The following TOX2 variants were observed in gnomAD, a reference collection of about 807,000 sequenced individuals.
TOX2 encodes the protein granulosa cell HMG box 1.
A neutral mutation model predicts 47.4 loss-of-function variants in TOX2; 15 were observed. The observed-to-expected ratio is 0.32, with a 90% CI of 0.21 to 0.49. The LOEUF is 0.49. Ranked by LOEUF, TOX2 falls within the 20% of genes least tolerant of loss-of-function variation. TOX2 has a pLI of 0.99. For missense variants in TOX2, 622 were observed against 673.1 expected, an observed-to-expected ratio of 0.92 and a Z score of 0.84; for synonymous variants, 290 against 296.6, an observed-to-expected ratio of 0.98 and a Z score of 0.23.
rs117286711 is a variant in TOX2, at chr20:44,033,231, T to C, written c.412-18075T>C. Among the ~76,000 whole-genome samples the C allele has an allele frequency of 7.0e-3, 1,058 of 152,094 alleles. 6 individuals carry two copies. Among genetic ancestry groups the C allele is most frequent in the South Asian group, 0.022 (105 of 4,820 alleles). ...GCTTCCTATTGGTTCTCTTTTCCTC[T>C]CTTTTGTGCTAGATTTTTTTTTTCC... On this transcript the variant is annotated intron_variant, in intron 3 of 8. Coordinates refer to ENST00000341197, the MANE Select transcript of TOX2 (RefSeq NM_001098797.2).
intron 1 of TOX2, chr20:43,946,180 G>A (rs1282185227): frequency 1.5e-6 from 2 of 1,314,248 alleles, no homozygotes; most frequent in Non-Finnish European, 2.0e-6. Flanking sequence ...TGCTTTAGAG[G>A]GGCCAGGAGG....
chr20:43,931,343 C>T (rs1323353205), intron 1 of TOX2, among the ~76,000 whole-genome samples: 1 of 152,058 alleles, frequency 6.6e-6, no homozygotes, highest in Non-Finnish European at 1.5e-5. Flanking sequence ...CCATGTTGCC[C>T]AGGCTGGTCT....
At chr20:44,002,972 CTG>C (rs1049001976) in intron 2 of TOX2, among the ~76,000 whole-genome samples, 8 of 152,124 alleles carry the variant, frequency 5.3e-5, no homozygotes, top group Admixed American at 2.0e-4. Flanking sequence ...AATATCCAAA[CTG>C]TATCAGAGGG....
intron 1 of TOX2, among the ~76,000 whole-genome samples, chr20:43,969,110 G>T (rs1235703263): frequency 6.6e-6 from 1 of 152,224 alleles, no homozygotes; most frequent in African/African-American, 2.4e-5. Flanking sequence ...GCGTGCTGTG[G>T]TTATTGTGTG....
At chr20:43,955,353 G>A (rs559664228) in intron 1 of TOX2, 90 of 965,410 alleles carry the variant, frequency 9.3e-5, no homozygotes, top group Admixed American at 1.8e-4. Context: ...CCTGAAACCC[G>A]TTGTTTCCCC....
chr20:43,980,273 G>T (rs1338936827), intron 2 of TOX2, among the ~76,000 whole-genome samples: 1 of 152,190 alleles, frequency 6.6e-6, no homozygotes, highest in Non-Finnish European at 1.5e-5. Context: ...GCCAGGCACA[G>T]AAAGATAAAC....
chr20:43,960,369 C>A (rs1381195013), intron 1 of TOX2, among the ~76,000 whole-genome samples: 1 of 152,168 alleles, frequency 6.6e-6, no homozygotes, highest in African/African-American at 2.4e-5. Context: ...TGGCCAAGGT[C>A]ATCAACACTC....
chr20:44,044,443 C>T (rs2071383148), intron 3 of TOX2, among the ~76,000 whole-genome samples: 1 of 150,264 alleles, frequency 6.7e-6, no homozygotes, highest in Non-Finnish European at 1.5e-5. Context: ...AAAAGAAATG[C>T]AAAACTGCTT....
At position 44,065,728 on chromosome 20, in the gene TOX2, G is replaced by A. The variant is rs749077445; in HGVS notation, c.977G>A (p.Gly326Asp). The A allele has an allele frequency of 1.3e-6, 2 of 1,590,922 alleles. No homozygotes were observed. The highest frequency in any genetic ancestry group is 2.3e-5 in the East Asian group (1 of 44,390). Reference sequence around the variant, plus strand: ...TCCTTCCAGAGCTCCCCAGATCAAGGTGAGACCAAGAGCACTCAGGCAAAC... The same window carrying A: ...TCCTTCCAGAGCTCCCCAGATCAAGATGAGACCAAGAGCACTCAGGCAAAC... ...SLVSKSSPDQGETKSTQANPP... is the reference protein window; with the variant it reads ...SLVSKSSPDQDETKSTQANPP... Residue 326 changes from glycine (G) to aspartate (D), a missense_variant, in exon 7 of 9, where the codon GGT becomes GAT. Transcript: ENST00000341197.
chr20:43,993,523 A>T (rs755034177), intron 2 of TOX2, among the ~76,000 whole-genome samples: 37 of 152,140 alleles, frequency 2.4e-4, no homozygotes, highest in Non-Finnish European at 5.0e-4. Context: ...CCACCGGTAG[A>T]GGAATACTGA....
intron 1 of TOX2, among the ~76,000 whole-genome samples, chr20:43,960,598 G>C (rs887873575): frequency 2.6e-5 from 4 of 152,196 alleles, no homozygotes; most frequent in African/African-American, 9.6e-5. Flanking sequence ...TACATTTCTT[G>C]TCTGTAGATT....
chr20:43,989,793 A>C (rs1357898850), intron 2 of TOX2, among the ~76,000 whole-genome samples: 2 of 151,890 alleles, frequency 1.3e-5, no homozygotes, highest in Admixed American at 1.3e-4. Flanking sequence ...AAAAAAAAAA[A>C]AAAACCCACC....
chr20:44,068,816 C>G lies in TOX2; in HGVS notation c.*130C>G. The stretch of plus-strand genomic sequence containing the variant: ...GAGAGAGCAGTGACACACCCATTGC[C>G]CGGGGGCTGAGTCTCTTCCTCAACC... On this transcript the variant is annotated 3_prime_UTR_variant, in exon 9 of 9. Transcript: ENST00000341197. 1 of 1,271,484 alleles carries G rather than the reference C, an allele frequency of 7.9e-7. No homozygotes were observed. The highest frequency in any genetic ancestry group is 1.1e-6 in the Non-Finnish European group (1 of 891,216). The allele number at this position is 1,271,484 out of a possible 1,614,324, so 78.8% of individuals were successfully genotyped here. A position where few individuals can be genotyped will look rare whatever the true frequency, so the allele number is the denominator to read the frequency against.
chr20:43,914,887 C>T lies in TOX2; in HGVS notation c.-5C>T, dbSNP rs561837695. ...GGAGCCGCCGCCGCCGCCGCCGCGCCCGCCATGGACGTCCGCCTGTACCCC... is the reference window on the plus strand; with the variant it reads ...GGAGCCGCCGCCGCCGCCGCCGCGCTCGCCATGGACGTCCGCCTGTACCCC... On this transcript the variant is annotated 5_prime_UTR_variant, in exon 1 of 9. Coordinates refer to ENST00000341197, the MANE Select transcript of TOX2 (RefSeq NM_001098797.2). This position sits in a 1 kb window ranked among gnomAD's most constrained non-coding sequence, Gnocchi z 4.5. 2.4e-3 allele frequency: 2,521 copies of T among 1,035,726 alleles called. 5 individuals carry two copies. The highest frequency in any genetic ancestry group is 2.8e-3 in the Non-Finnish European group (2,427 of 865,280). The allele number at this position is 1,035,726 out of a possible 1,614,324, so 64.2% of individuals were successfully genotyped here. A position where few individuals can be genotyped will look rare whatever the true frequency, so the allele number is the denominator to read the frequency against.
At chr20:43,941,445 G>A (rs556273894) in intron 1 of TOX2, among the ~76,000 whole-genome samples, 1 of 151,686 alleles carries the variant, frequency 6.6e-6, no homozygotes, top group African/African-American at 2.4e-5. Context: ...TGATGCTCCT[G>A]CCTCAGCCTC....
chr20:43,963,157 G>A (rs778095455), intron 1 of TOX2, among the ~76,000 whole-genome samples: 1 of 151,858 alleles, frequency 6.6e-6, no homozygotes, highest in African/African-American at 2.4e-5. Flanking sequence ...CAGTTAGAGC[G>A]AGGTAGGTGG....
rs745489872 is a variant in TOX2, at chr20:43,951,707, G to GGTTTTTTTTTTTTTTTTTTT, written c.100-21660_100-21659insGTTTTTTTTTTTTTTTTTTT. ...TGACCATTACTATTAAACTTATTATGTTTTTTTTTTTTTTTTTTTTTAGAG... is the reference window on the plus strand; with the variant it reads ...TGACCATTACTATTAAACTTATTATGGTTTTTTTTTTTTTTTTTTTTTTTTTTTTTTTTTTTTTTTTAGAG... On this transcript the variant is annotated intron_variant, in intron 1 of 8. Transcript: ENST00000341197. Among the ~76,000 whole-genome samples the GGTTTTTTTTTTTTTTTTTTT allele has an allele frequency of 1.4e-3, 77 of 55,094 alleles. 5 individuals are homozygous for GGTTTTTTTTTTTTTTTTTTT. The highest frequency in any genetic ancestry group is 0.012 in the East Asian group (23 of 1,890). The allele number at this position is 55,094 out of a possible 152,430, so 36.1% of individuals were successfully genotyped here.
rs1364932802 is a variant in TOX2, at chr20:44,066,026, A to G, written c.1275A>G (p.Pro425=). ...TCAGTCCACCTGTTAGCATGTCCCCAGCCCCCCAGCCCCCTGTCCTGCCCA... is the reference window on the plus strand; with the variant it reads ...TCAGTCCACCTGTTAGCATGTCCCCGGCCCCCCAGCCCCCTGTCCTGCCCA... The part of the protein sequence containing the change: ...ALLSPPVSMS[P]APQPPVLPTP... The change falls in exon 7 of 9, where the codon CCA becomes CCG. Residue 425 remains proline, a synonymous_variant. Transcript: ENST00000341197. 3.4e-5 allele frequency: 54 copies of G among 1,601,376 alleles called. No individual in the cohort carries two copies. The highest frequency in any genetic ancestry group is 4.6e-5 in the Non-Finnish European group (54 of 1,174,722).
In TOX2 at chr20:44,066,721, A is replaced by T. The variant is rs1304120105; in HGVS notation, c.1357-9A>T. On this transcript the variant is annotated splice_polypyrimidine_tract_variant and intron_variant, in intron 7 of 8. Transcript: ENST00000341197. ...CTTGGCTCATGGCCTCCTCCTTCCC[A>T]CTCTGTAGGACTTCCCGCACATCTC... 6.2e-7 allele frequency: 1 copy of T among 1,613,474 alleles called. No homozygotes were observed. Among genetic ancestry groups the T allele is most frequent in the Non-Finnish European group, 8.5e-7 (1 of 1,179,854 alleles).
Sources: gnomAD v4.1 joint callset for allele counts (sites outside exome capture counted in the v4.1 genomes callset) on GRCh38, gnomAD v4.1.1 for gene constraint, Gnocchi (gnomAD v3.1) non-coding constraint, MANE v1.5 for transcripts, NCBI Gene and HGNC (gene_info 2026-07-23, HGNC 2026-07-21) for gene names.